ANKRD18B: variants seen among roughly 807,000 people sequenced by gnomAD.
ANKRD18B encodes the protein ankyrin repeat domain-containing protein 18B.
ANKRD18B carries 75 observed loss-of-function variants against 111.8 expected under a neutral mutation model. The ratio of observed to expected loss-of-function variants is 0.67; its 90% CI spans 0.56 to 0.81. The LOEUF (loss-of-function observed/expected upper bound fraction) is 0.81, where lower values mean the gene tolerates loss of function less well. Among genes scored for constraint, ANKRD18B ranks in the 40% least tolerant of loss-of-function variants. The pLI, the probability that ANKRD18B is intolerant of heterozygous loss-of-function variation, is 0.00. For synonymous variants in ANKRD18B, 356 were observed against 417.3 expected, an observed-to-expected ratio of 0.85 and a Z score of 1.79; for missense variants, 1,038 against 1,225.5, an observed-to-expected ratio of 0.85 and a Z score of 2.28.
In ANKRD18B at chr9:33,534,391, A is replaced by T; in HGVS notation, c.624A>T (p.Val208=). 6.5e-7 allele frequency: 1 copy of T among 1,548,082 alleles called. No individual in the cohort carries two copies. The highest frequency in any genetic ancestry group is 1.2e-5 in the South Asian group (1 of 83,136). The change falls in exon 5 of 19, where the codon GTA becomes GTT. Residue 208 remains valine, a synonymous_variant. Transcript: ENST00000684830. ...TTAGAACAGCCCTCATACTTGCAGT[A>T]CAGCATAACTTGTCAAGTATCGTCA... ...NFKRTALILA[V]QHNLSSIVTL... is the part of the protein sequence containing the mutation.
chr9:33,543,260 A>G lies in ANKRD18B; in HGVS notation c.1149+5A>G, dbSNP rs1278154872. The G allele has an allele frequency of 1.2e-5, 19 of 1,543,128 alleles. No individual in the cohort carries two copies. Among genetic ancestry groups the G allele is most frequent in the South Asian group, 2.4e-5 (2 of 82,252 alleles). ...AGTGAAAATAAACAGCCGCAGGTAT[A>G]TAACAATTTAAATTTCTGGTTTAAT... On this transcript the variant is annotated splice_donor_5th_base_variant and intron_variant, in intron 10 of 18. Transcript: ENST00000684830.
chr9:33,524,353 G>GGGGTGGATCGCGGGTTTGC lies in ANKRD18B; in HGVS notation c.-132_-131insGATCGCGGGTTTGCGGGTG, dbSNP rs1827992018. 7.3e-7 allele frequency: 1 copy of GGGGTGGATCGCGGGTTTGC among 1,364,054 alleles called. No homozygotes were observed. Among genetic ancestry groups the GGGGTGGATCGCGGGTTTGC allele is most frequent in the Non-Finnish European group, 9.7e-7 (1 of 1,026,786 alleles). 84.5% of individuals were successfully genotyped at this position (1,364,054 alleles called of 1,614,324 possible). A position where few individuals can be genotyped will look rare whatever the true frequency, so the allele number is the denominator to read the frequency against. On this transcript the variant is annotated 5_prime_UTR_variant, in exon 1 of 19. Transcript: ENST00000684830. ...GATTCTGAGCTACATCGCGGGTTTG[G>GGGGTGGATCGCGGGTTTGC]GGGTGCATCTTGGATTTAGGGGTGG...
chr9:33,545,075 C>G (rs1416517300), intron 10 of ANKRD18B, among the ~76,000 whole-genome samples: 2 of 152,158 alleles, frequency 1.3e-5, no homozygotes, highest in Non-Finnish European at 2.9e-5. Context: ...GAGCCCATCT[C>G]ACTCAGGTCT....
At chr9:33,569,261 CTT>C (rs67285532) in intron 17 of ANKRD18B, 263 of 98,498 alleles carry the variant, frequency 2.7e-3, no homozygotes, top group Middle Eastern at 0.011. Flanking sequence ...GTTCATATCA[CTT>C]TTTTTTTTTT....
chr9:33,554,419 A>G (rs1563905647), intron 12 of ANKRD18B, among the ~76,000 whole-genome samples: 1 of 152,230 alleles, frequency 6.6e-6, no homozygotes, highest in Non-Finnish European at 1.5e-5. Context: ...TAGAGGGAAG[A>G]GTCCTCAGTA....
intron 10 of ANKRD18B, among the ~76,000 whole-genome samples, chr9:33,546,601 C>T (rs1046633382): frequency 2.0e-5 from 3 of 152,066 alleles, no homozygotes; most frequent in Admixed American, 6.6e-5. Context: ...ATGAGGCCTC[C>T]CACCACCCTC....
intron 13 of ANKRD18B, among the ~76,000 whole-genome samples, 194 bp from the exon 14 acceptor site, chr9:33,557,864 A>C (rs936151330): frequency 6.6e-6 from 1 of 152,134 alleles, no homozygotes; most frequent in African/African-American, 2.4e-5. Context: ...TATACCATAA[A>C]ATTGTTCTTC....
At chr9:33,528,466 C>T (rs1020127603) in intron 1 of ANKRD18B, among the ~76,000 whole-genome samples, 2 of 152,178 alleles carry the variant, frequency 1.3e-5, no homozygotes, top group African/African-American at 2.4e-5. Context: ...TAAGCAATAG[C>T]TGGTAGGTGA....
chr9:33,538,891 A>G (rs1185895514), intron 6 of ANKRD18B, among the ~76,000 whole-genome samples: 1 of 152,220 alleles, frequency 6.6e-6, no homozygotes, highest in African/African-American at 2.4e-5. Context: ...GAACTGTATA[A>G]AGACACCGTT....
chr9:33,575,267 G>C (rs6476414), downstream of ANKRD18B, among the ~76,000 whole-genome samples: 57,794 of 150,832 alleles, frequency 0.38, 11,373 homozygotes, highest in Middle Eastern at 0.53. Flanking sequence ...TGATAACCAA[G>C]ATGCAGGTCC....
At chr9:33,550,949 A>G (rs1182995776) in intron 12 of ANKRD18B, among the ~76,000 whole-genome samples, 2 of 152,180 alleles carry the variant, frequency 1.3e-5, no homozygotes. Flanking sequence ...TATTCCATCA[A>G]GTTGTCTTAT....
At chr9:33,544,749 A>C (rs1828330852) in intron 10 of ANKRD18B, among the ~76,000 whole-genome samples, 1 of 152,178 alleles carries the variant, frequency 6.6e-6, no homozygotes, top group Non-Finnish European at 1.5e-5. Context: ...AGGCAGGAGA[A>C]TTGCTTGAAC....
At chr9:33,531,944 G>T (rs1378180255) in intron 3 of ANKRD18B, among the ~76,000 whole-genome samples, 1 of 152,122 alleles carries the variant, frequency 6.6e-6, no homozygotes, top group Non-Finnish European at 1.5e-5. Flanking sequence ...CCTTAAAAAT[G>T]CAAGTGACAG....
intron 4 of ANKRD18B, 129 bp downstream of exon 4, chr9:33,533,674 A>G (rs1054249663): frequency 7.1e-7 from 1 of 1,407,170 alleles, no homozygotes; most frequent in Non-Finnish European, 9.3e-7. Context: ...GTAAAAAATA[A>G]CATGAATAAT....
In ANKRD18B at chr9:33,548,084, T is replaced by C. The variant is rs1320395616; in HGVS notation, c.1296T>C (p.Ser432=). The C allele has an allele frequency of 2.0e-6, 3 of 1,536,090 alleles. No homozygotes were observed. The highest frequency in any genetic ancestry group is 2.6e-6 in the Non-Finnish European group (3 of 1,142,454). Residue 432 remains serine, a synonymous_variant, in exon 11 of 19, where the codon AGT becomes AGC. Coordinates refer to ENST00000684830, the MANE Select transcript of ANKRD18B (RefSeq NM_001393611.1). ...KEKKYIQEIK[S]ITEINANFEK... ...AGAAATATATTCAGGAAATTAAAAG[T>C]ATTACAGAAATAAATGCTAACTTTG...
At chr9:33,525,183 A>G (rs1394796567) in intron 1 of ANKRD18B, among the ~76,000 whole-genome samples, 2 of 152,218 alleles carry the variant, frequency 1.3e-5, no homozygotes, top group African/African-American at 4.8e-5. Context: ...GAATGAAAAT[A>G]TCAAGGTTTT....
At chr9:33,526,235 T>C (rs573627326) in intron 1 of ANKRD18B, among the ~76,000 whole-genome samples, 1 of 152,330 alleles carries the variant, frequency 6.6e-6, no homozygotes, top group South Asian at 2.1e-4. Context: ...AACTCCATTG[T>C]ATTAAAATAC....
At chr9:33,529,988 A>T (rs192134840) in intron 3 of ANKRD18B, among the ~76,000 whole-genome samples, 68 of 152,282 alleles carry the variant, frequency 4.5e-4, no homozygotes, top group African/African-American at 1.5e-3. Context: ...AATGTGGGAG[A>T]TAAGCAGCTT....
chr9:33,560,487 C>T (rs1828590989), intron 14 of ANKRD18B, among the ~76,000 whole-genome samples: 1 of 152,232 alleles, frequency 6.6e-6, no homozygotes, highest in Non-Finnish European at 1.5e-5. Flanking sequence ...TGGAGATTCT[C>T]TGGGGACCCT....
Sources: gnomAD v4.1 joint callset for allele counts (sites outside exome capture counted in the v4.1 genomes callset) on GRCh38, gnomAD v4.1.1 for gene constraint, MANE v1.5 for transcripts, NCBI Gene and HGNC (gene_info 2026-07-23, HGNC 2026-07-21) for gene names.